The following RHBDF2 variants were observed in gnomAD, a reference collection of about 807,000 sequenced individuals.
The protein encoded by RHBDF2 is rhomboid 5 homolog 2.
Under a neutral mutation model 95.2 loss-of-function variants are expected in RHBDF2, and 38 were observed. That is an observed-to-expected ratio of 0.40 (90% CI 0.31 to 0.52). The LOEUF (loss-of-function observed/expected upper bound fraction) is 0.52. Ranked by LOEUF, RHBDF2 falls within the 20% of genes least tolerant of loss-of-function variation. The probability of loss-of-function intolerance (pLI) is 0.56; values close to 1 mark genes in which losing one functional copy is unlikely to be tolerated. For missense variants in RHBDF2, 863 were observed against 1,137.7 expected (o/e 0.76, Z 3.47); for synonymous variants, 442 against 462.0 (o/e 0.96, Z 0.55).
intron 2 of RHBDF2, among the ~76,000 whole-genome samples, chr17:76,485,994 G>C (rs1278182630): frequency 6.6e-6 from 1 of 151,958 alleles, no homozygotes; most frequent in Non-Finnish European, 1.5e-5. Flanking sequence ...CAGCTAAAGG[G>C]TGCAGGCTTT....
At chr17:76,488,816 C>T (rs1489115426) in intron 1 of RHBDF2, among the ~76,000 whole-genome samples, 3 of 151,398 alleles carry the variant, frequency 2.0e-5, no homozygotes, top group African/African-American at 4.9e-5. Context: ...GGTGTGGTGG[C>T]GGGCGCCTGT....
chr17:76,484,290 A>C (rs868469669), intron 2 of RHBDF2, among the ~76,000 whole-genome samples: 136 of 150,144 alleles, frequency 9.1e-4, no homozygotes, highest in African/African-American at 2.9e-3. Flanking sequence ...ATAAAAATAA[A>C]CCCCCCCAGC....
intron 1 of RHBDF2, among the ~76,000 whole-genome samples, chr17:76,489,384 CAT>C (rs1208729449): frequency 2.8e-5 from 4 of 144,444 alleles, no homozygotes; most frequent in Non-Finnish European, 4.5e-5. Flanking sequence ...AGTGCAGTGG[CAT>C]GATCTCAGCT....
Position 76,479,794 on chromosome 17 carries a change from C to T in RHBDF2, c.211G>A (p.Glu71Lys), listed in dbSNP as rs1170452601. Residue 71 changes from glutamate to lysine, a missense_variant, in exon 4 of 19, where the codon GAG (glutamate) becomes AAG (lysine). This residue lies in a region of RHBDF2 where 611 missense variants were observed against 725.5 expected (regional missense o/e 0.84). Transcript: ENST00000675367. ...AAGCCAGGGCGCTTCTCTGAACTCT[C>T]CTGCCATCGGCTGCGTGGCTCCTGG... ...SLQEPRSRWQ[E>K]SSEKRPGFRR... The T allele has an allele frequency of 6.2e-7, 1 of 1,613,562 alleles. No individual in the cohort carries two copies. Among genetic ancestry groups the T allele is most frequent in the Non-Finnish European group, 8.5e-7 (1 of 1,179,924 alleles).
intron 2 of RHBDF2, among the ~76,000 whole-genome samples, chr17:76,486,952 C>CTTTTTTT (rs34202592): frequency 8.3e-5 from 6 of 72,622 alleles, no homozygotes; most frequent in Admixed American, 1.9e-4. Flanking sequence ...CGCTTCCTGC[C>CTTTTTTT]TTTTTTTTTT....
At chr17:76,482,852 T>G (rs1482374416) in intron 2 of RHBDF2, among the ~76,000 whole-genome samples, 1 of 149,288 alleles carries the variant, frequency 6.7e-6, no homozygotes, top group Non-Finnish European at 1.5e-5. Flanking sequence ...ACAATAAAAG[T>G]GGCATATGCT....
chr17:76,472,309 C>A, intron 18 of RHBDF2: 1 of 596,154 alleles, frequency 1.7e-6, no homozygotes, highest in Non-Finnish European at 3.0e-6. Flanking sequence ...CAAGCCTGTT[C>A]CAGGCCGCAC....
At chr17:76,491,511 GC>G (rs2074299778) in intron 1 of RHBDF2, among the ~76,000 whole-genome samples, 1 of 152,194 alleles carries the variant, frequency 6.6e-6, no homozygotes, top group Non-Finnish European at 1.5e-5. Flanking sequence ...GTCTTCCTGG[GC>G]AGGAGCCTGG....
In RHBDF2 at chr17:76,495,284, C is replaced by T. The variant is rs540333506; in HGVS notation, c.-220+6069G>A. Among the ~76,000 whole-genome samples the T allele has an allele frequency of 1.1e-4, 16 of 152,322 alleles. No homozygotes were observed. In the South Asian group the frequency reaches 3.3e-3, roughly 32 times the overall value. On this transcript the variant is annotated intron_variant, in intron 1 of 18. Transcript: ENST00000675367. ...GAGGCTCCTTGACACTAAGGTGTGA[C>T]CAGGCCATTTCCGTTTGTGACTGTC...
Position 76,472,059 on chromosome 17 carries a change from C to T in RHBDF2, c.2065-7G>A, listed in dbSNP as rs199578666. The T allele has an allele frequency of 4.0e-5, 62 of 1,551,230 alleles. 1 individual carries two copies. The highest frequency in any genetic ancestry group is 2.5e-4 in the Admixed American group (13 of 51,606). On this transcript the variant is annotated splice_polypyrimidine_tract_variant and splice_region_variant and intron_variant, in intron 18 of 18. Coordinates refer to ENST00000675367, the MANE Select transcript of RHBDF2 (RefSeq NM_001005498.4). The stretch of plus-strand genomic sequence containing the variant: ...GTGAGCCGGCCGGGCCCACCTGGGG[C>T]GGGGCAGGGGAGACGTGGCTTCAGG...
At chr17:76,492,503 C>A (rs902597070) in intron 1 of RHBDF2, among the ~76,000 whole-genome samples, 1 of 152,156 alleles carries the variant, frequency 6.6e-6, no homozygotes, top group Admixed American at 6.5e-5. Flanking sequence ...CAGGGAGGTC[C>A]CCAACAGCTC....
chr17:76,498,603 C>T (rs1358557167), intron 1 of RHBDF2, among the ~76,000 whole-genome samples: 1 of 152,234 alleles, frequency 6.6e-6, no homozygotes. Context: ...AGAGTTTACA[C>T]AGCAAGGACA....
rs1223930155 is a variant in RHBDF2 at position 76,473,633 on chromosome 17, G to A, written c.1733+15C>T. On this transcript the variant is annotated intron_variant, in intron 15 of 18. Transcript: ENST00000675367. ...GGGCAGTGGGATGGCTGAGGCCAGG[G>A]CCCAGGTCGCTCACCTGCCCTTGGT... is the stretch of plus-strand genomic sequence containing the variant. The A allele has an allele frequency of 3.1e-6, 5 of 1,589,902 alleles. No homozygotes were observed. Among genetic ancestry groups the A allele is most frequent in the Non-Finnish European group, 4.3e-6 (5 of 1,168,368 alleles).
chr17:76,494,552 G>C (rs1308505249), intron 1 of RHBDF2, among the ~76,000 whole-genome samples: 2 of 152,200 alleles, frequency 1.3e-5, no homozygotes. Flanking sequence ...AGGAGTTCTA[G>C]ACTAGCCTGG....
chr17:76,481,699 A>C, intron 2 of RHBDF2, 154 bp from the exon 3 acceptor site: 1 of 607,448 alleles, frequency 1.6e-6, no homozygotes, highest in South Asian at 2.2e-5. Context: ...TCACGCCTGT[A>C]ATCCCAGCAC....
intron 1 of RHBDF2, chr17:76,500,836 C>T (rs2074559572): frequency 1.3e-5 from 2 of 152,522 alleles, no homozygotes; most frequent in Admixed American, 1.3e-4. Context: ...GAGCTCCGGT[C>T]CAGCCCTGCT....
intron 1 of RHBDF2, among the ~76,000 whole-genome samples, chr17:76,500,486 G>C (rs2074551149): frequency 6.6e-6 from 1 of 152,138 alleles, no homozygotes; most frequent in Non-Finnish European, 1.5e-5. Flanking sequence ...CACACTGGGG[G>C]CCTGATGCCA....
At chr17:76,476,121 T>C (rs1598658610) in intron 9 of RHBDF2, 1 of 152,106 alleles carries the variant, frequency 6.6e-6, no homozygotes, top group African/African-American at 2.4e-5. Flanking sequence ...TTGGCCAGGC[T>C]GGTCTTGAAC....
intron 1 of RHBDF2, among the ~76,000 whole-genome samples, chr17:76,493,840 G>A (rs764348154): frequency 1.3e-5 from 2 of 152,372 alleles, no homozygotes; most frequent in African/African-American, 4.8e-5. Flanking sequence ...CACGAACAGC[G>A]GGTCCTGGCC....
Sources: allele counts gnomAD v4.1 joint callset (sites outside exome capture counted in the v4.1 genomes callset), GRCh38; gene constraint gnomAD v4.1.1; regional missense constraint gnomAD v4.1.1; transcripts MANE v1.5; gene names NCBI Gene and HGNC (gene_info 2026-07-23, HGNC 2026-07-21).